Variants in HEPHL1 observed in about 807,000 individuals in gnomAD.
HEPHL1 encodes hephaestin like 1.
A neutral mutation model predicts 122.0 loss-of-function variants in HEPHL1; 123 were observed. That is an observed-to-expected ratio of 1.01 (90% confidence interval 0.87 to 1.17). The LOEUF (loss-of-function observed/expected upper bound fraction) is 1.17, where lower values mean the gene tolerates loss of function less well. Among genes scored for constraint, HEPHL1 ranks in the 50% most tolerant of loss-of-function variants. The pLI is 0.00. For synonymous variants in HEPHL1, 527 were observed against 508.9 expected (o/e 1.04, Z -0.48); for missense variants, 1,452 against 1,430.5 (o/e 1.01, Z -0.24).
intron 9 of HEPHL1, among the ~76,000 whole-genome samples, chr11:94,076,124 C>T (rs1326242098): frequency 6.6e-6 from 1 of 152,084 alleles, no homozygotes. Flanking sequence ...AAAGGAATTT[C>T]CAGATTTAAA....
intron 2 of HEPHL1, among the ~76,000 whole-genome samples, chr11:94,050,093 T>C (rs1181087969): frequency 6.6e-6 from 1 of 152,196 alleles, no homozygotes; most frequent in Non-Finnish European, 1.5e-5. Flanking sequence ...TATTTTATTT[T>C]TTCTGTTGAT....
chr11:94,037,176 C>T (rs1202446348), intron 1 of HEPHL1, among the ~76,000 whole-genome samples: 12 of 152,086 alleles, frequency 7.9e-5, no homozygotes, highest in African/African-American at 1.4e-4. Flanking sequence ...TAAAAAACGG[C>T]GCACCACGAG....
intron 13 of HEPHL1, among the ~76,000 whole-genome samples, chr11:94,099,506 T>G (rs369311486): frequency 1.3e-5 from 2 of 152,252 alleles, no homozygotes; most frequent in African/African-American, 4.8e-5. Flanking sequence ...GATCTCAAAC[T>G]CTGTGCTGGG....
chr11:94,075,440 C>CAA (rs1229782457), intron 9 of HEPHL1, 55 bp downstream of exon 9: 1 of 1,069,056 alleles, frequency 9.4e-7, no homozygotes, highest in African/African-American at 2.9e-5. Context: ...GAGAGATCCG[C>CAA]AAGAGCCAGA....
chr11:94,072,413 T>A (rs75585697), intron 6 of HEPHL1, among the ~76,000 whole-genome samples: 4,109 of 152,058 alleles, frequency 0.027, 177 homozygotes, highest in African/African-American at 0.094. Context: ...GTTAAGGGAA[T>A]GAAGCAGAAA....
chr11:94,068,556 A>G (rs1286950105), intron 5 of HEPHL1, among the ~76,000 whole-genome samples: 1 of 152,170 alleles, frequency 6.6e-6, no homozygotes, highest in East Asian at 1.9e-4. Context: ...TGTTCCTTAC[A>G]GAGAAGTGAT....
chr11:94,067,960 G>T (rs1946047649), intron 5 of HEPHL1, among the ~76,000 whole-genome samples: 1 of 152,164 alleles, frequency 6.6e-6, no homozygotes, highest in Admixed American at 6.6e-5. Context: ...AAAAAGTGGG[G>T]AAGTGATTAA....
intron 2 of HEPHL1, among the ~76,000 whole-genome samples, chr11:94,054,179 G>A (rs1945915722): frequency 1.3e-5 from 2 of 152,300 alleles, no homozygotes; most frequent in African/African-American, 4.8e-5. Flanking sequence ...CTGGAGAAGA[G>A]CAGTCTCTGA....
At position 94,080,013 on chromosome 11, in the gene HEPHL1, G is replaced by C. The variant is rs550334408; in HGVS notation, c.1717-2405G>C. Among the ~76,000 whole-genome samples, 14 of 152,282 alleles carry C rather than the reference G, an allele frequency of 9.2e-5. No homozygotes were observed. The South Asian group carries it at 2.1e-3, about 23-fold the overall frequency. ...GGCAATCCTAAGCAAAAGGAACAAA[G>C]CTAGAAGCATCATACTACCCGACTT... is the stretch of plus-strand genomic sequence containing the variant. On this transcript the variant is annotated intron_variant, in intron 9 of 19. Transcript: ENST00000315765.
intron 9 of HEPHL1, among the ~76,000 whole-genome samples, chr11:94,081,908 C>G (rs1402265747): frequency 6.6e-6 from 1 of 152,120 alleles, no homozygotes; most frequent in Non-Finnish European, 1.5e-5. Context: ...TTAGGGAAGA[C>G]CACTCTGAGG....
chr11:94,025,104 G>A (rs1945613717), intron 1 of HEPHL1, among the ~76,000 whole-genome samples: 1 of 152,162 alleles, frequency 6.6e-6, no homozygotes. Flanking sequence ...AAATCATTTT[G>A]CTGAGACTCT....
At position 94,104,661 on chromosome 11, in the gene HEPHL1, A is replaced by G. The variant is rs967329203; in HGVS notation, c.2816A>G (p.Tyr939Cys). Residue 939 changes from tyrosine to cysteine, a missense_variant, in exon 16 of 20, where the codon TAT becomes TGT. Tyr to Cys is a radical substitution (Grantham distance 194, BLOSUM62 -2). Transcript: ENST00000315765. ...GTATTTAATGAGAATGAATCCTGGT[A>G]TCTGGATGACAATATTAAGAAGTAT... ...FLVFNENESW[Y>C]LDDNIKKYLN... 20 of 1,613,668 alleles carry G rather than the reference A, an allele frequency of 1.2e-5. No individual in the cohort carries two copies. Among genetic ancestry groups the G allele is most frequent in the Non-Finnish European group, 1.6e-5 (19 of 1,179,686 alleles).
At chr11:94,087,155 G>C (rs1252176678) in intron 11 of HEPHL1, among the ~76,000 whole-genome samples, 1 of 151,904 alleles carries the variant, frequency 6.6e-6, no homozygotes, top group African/African-American at 2.4e-5. Context: ...TAGTATAGTT[G>C]ATCAATTATG....
intron 6 of HEPHL1, 40 bp downstream of exon 6, chr11:94,070,582 A>C: frequency 6.6e-7 from 1 of 1,522,464 alleles, no homozygotes; most frequent in East Asian, 2.3e-5. Context: ...CTCTCGTCAG[A>C]GAAGCATGTG....
At position 94,021,421 on chromosome 11, in the gene HEPHL1, T is replaced by C. The variant is rs1945579830; in HGVS notation, c.53T>C (p.Leu18Pro). 2 of 1,613,702 alleles carry C rather than the reference T, an allele frequency of 1.2e-6. No individual in the cohort carries two copies. Among genetic ancestry groups the C allele is most frequent in the Non-Finnish European group, 1.7e-6 (2 of 1,179,702 alleles). The change falls in exon 1 of 20, where the codon CTG becomes CCG. Residue 18 changes from leucine to proline, a missense_variant. Transcript: ENST00000315765. ...ATCTTTCTCCTCACATTCCTGGGTC[T>C]GTCTGGGCTGGTTGGCACAGTTACC... ...GCIFLLTFLG[L>P]SGLVGTVTRT...
chr11:94,105,130 C>T (rs1391833467), intron 16 of HEPHL1, among the ~76,000 whole-genome samples: 1 of 152,112 alleles, frequency 6.6e-6, no homozygotes, highest in African/African-American at 2.4e-5. Context: ...TGAAACACTA[C>T]CATCAAATTT....
chr11:94,053,917 A>G (rs1945912916), intron 2 of HEPHL1, among the ~76,000 whole-genome samples: 1 of 152,204 alleles, frequency 6.6e-6, no homozygotes, highest in Non-Finnish European at 1.5e-5. Flanking sequence ...TAAAGAGGGT[A>G]TATTCTACAG....
chr11:94,078,554 C>A (rs139752126), intron 9 of HEPHL1, among the ~76,000 whole-genome samples: 5 of 150,500 alleles, frequency 3.3e-5, no homozygotes, highest in African/African-American at 7.3e-5. Flanking sequence ...GATCTCAGCA[C>A]CTGCAGGCTG....
chr11:94,075,392 C>T lies in HEPHL1; in HGVS notation c.1716+7C>T. On this transcript the variant is annotated splice_region_variant and intron_variant, in intron 9 of 19. Transcript: ENST00000315765. The stretch of plus-strand genomic sequence containing the variant: ...CAATGCTGATGGGACACAGGTAGGC[C>T]ATTGAGTGTCACCAGTTCTTCTCAG... The T allele has an allele frequency of 1.9e-6, 3 of 1,605,256 alleles. No individual in the cohort carries two copies. Among genetic ancestry groups the T allele is most frequent in the Non-Finnish European group, 2.6e-6 (3 of 1,173,896 alleles).
Sources: allele counts gnomAD v4.1 joint callset (sites outside exome capture counted in the v4.1 genomes callset), GRCh38; gene constraint gnomAD v4.1.1; transcripts MANE v1.5; gene names NCBI Gene and HGNC (gene_info 2026-07-23, HGNC 2026-07-21).